CUZD1: variants seen among roughly 807,000 people sequenced by gnomAD.
CUZD1 encodes CUB and zona pellucida like domains 1, also known as CUB and zona pellucida-like domain-containing protein 1.
CUZD1 carries 42 observed loss-of-function variants against 53.1 expected under a neutral mutation model. The ratio of observed to expected loss-of-function variants is 0.79; its 90% CI spans 0.62 to 1.02. CUZD1 has a LOEUF of 1.02. CUZD1 is among the 50% of genes least tolerant of loss of function. The pLI, the probability that CUZD1 is intolerant of heterozygous loss-of-function variation, is 0.00. For synonymous variants in CUZD1, 238 were observed against 257.2 expected (o/e 0.93, Z 0.71); for missense variants, 670 against 715.7 (o/e 0.94, Z 0.73).
chr10:122,844,149 C>T (rs117031187), intron 1 of CUZD1, among the ~76,000 whole-genome samples: 31 of 151,782 alleles, frequency 2.0e-4, no homozygotes, highest in Non-Finnish European at 4.3e-4. Context: ...CCACCTCAGC[C>T]GCCAGAGTAG....
intron 7 of CUZD1, among the ~76,000 whole-genome samples, 169 bp downstream of exon 7, chr10:122,834,537 C>T (rs968110480): frequency 2.6e-5 from 4 of 151,982 alleles, no homozygotes; most frequent in Non-Finnish European, 4.4e-5. Context: ...TTAAATTATT[C>T]ATAATTAGTA....
chr10:122,837,366 C>T, intron 4 of CUZD1, 38 bp downstream of exon 4: 1 of 1,611,236 alleles, frequency 6.2e-7, no homozygotes, highest in Non-Finnish European at 8.5e-7. Context: ...GGTGGGTTTA[C>T]TGCATTTGTT....
chr10:122,837,456 G>A lies in CUZD1; in HGVS notation c.547C>T (p.His183Tyr). 2 of 1,613,984 alleles carry A rather than the reference G, an allele frequency of 1.2e-6. No homozygotes were observed. The highest frequency in any genetic ancestry group is 8.5e-7 in the Non-Finnish European group (1 of 1,179,952). ...TTGTAATCTTTCTCCACTTGTATGT[G>A]CCACACACAATAAGCCAGCTCAGGA... ...PHPELAYCVW[H>Y]IQVEKDYKIK... The change falls in exon 4 of 9, where the codon CAC (histidine) becomes TAC (tyrosine). Residue 183 changes from histidine (H) to tyrosine (Y), a missense_variant. His to Tyr is a moderately conservative substitution (Grantham distance 83, BLOSUM62 2). Transcript: ENST00000392790.
chr10:122,841,498 A>T (rs1181494950), intron 1 of CUZD1, among the ~76,000 whole-genome samples, 170 bp from the exon 2 acceptor site: 1 of 152,216 alleles, frequency 6.6e-6, no homozygotes, highest in African/African-American at 2.4e-5. Flanking sequence ...CTCCGTCTTG[A>T]ACCCTTTGAG....
intron 3 of CUZD1, 90 bp downstream of exon 3, chr10:122,838,927 C>T (rs1341971001): frequency 3.1e-6 from 3 of 966,578 alleles, no homozygotes; most frequent in African/African-American, 3.3e-5. Context: ...GGAATATACT[C>T]AGACTGAAGA....
In CUZD1 at chr10:122,841,244, T is replaced by G. The variant is rs769935598; in HGVS notation, c.167A>C (p.Glu56Ala). Reference protein sequence around the residue: ...KAMILQLNPSENCTWTIERPE... With the variant: ...KAMILQLNPSANCTWTIERPE... The stretch of plus-strand genomic sequence containing the variant: ...TCTTTCTATTGTCCAGGTGCAGTTC[T>G]CACTGGGATTGAGTTGCAGGATCAT... The change falls in exon 2 of 9, where the codon GAG becomes GCG. Residue 56 changes from glutamate to alanine, a missense_variant. By Grantham distance (107) the Glu-to-Ala change is moderately radical. Transcript: ENST00000392790. 5.6e-6 allele frequency: 9 copies of G among 1,614,018 alleles called. No individual in the cohort carries two copies. The highest frequency in any genetic ancestry group is 7.6e-6 in the Non-Finnish European group (9 of 1,179,978).
In CUZD1 at chr10:122,836,956, C is replaced by G; in HGVS notation, c.692G>C (p.Arg231Pro). The change falls in exon 5 of 9, where the codon CGT becomes CCT. Residue 231 changes from arginine to proline, a missense_variant. Arg to Pro is a moderately radical substitution (Grantham distance 103, BLOSUM62 -2). Coordinates refer to ENST00000392790, the MANE Select transcript of CUZD1 (RefSeq NM_022034.6). ...NSGLIGQVCG[R>P]VTPTFESSSN... is the part of the protein sequence containing the mutation. ...TGACGATTCGAAGGTGGGAGTCACA[C>G]GGCCACAGACTTGTCCAATCAGGCC... 6.2e-7 allele frequency: 1 copy of G among 1,614,042 alleles called. No homozygotes were observed. The highest frequency in any genetic ancestry group is 1.3e-5 in the African/African-American group (1 of 75,028).
In CUZD1 at chr10:122,841,178, T is replaced by C; in HGVS notation, c.233A>G (p.Gln78Arg). 3 of 1,612,024 alleles carry C rather than the reference T, an allele frequency of 1.9e-6. No homozygotes were observed. The highest frequency in any genetic ancestry group is 2.5e-6 in the Non-Finnish European group (3 of 1,179,020). ...TTAGGAAACTAAAGCTTCTACTTAC[T>C]GGACATAGGAAAAGATAATTCTGAT... ...KSIRIIFSYV[Q>R]LDPDGSCESE... Residue 78 changes from glutamine (Q) to arginine (R), a missense_variant and splice_region_variant, in exon 2 of 9, where the codon CAG becomes CGG. Transcript: ENST00000392790.
At chr10:122,840,614 C>A (rs186780117) in intron 2 of CUZD1, among the ~76,000 whole-genome samples, 10 of 152,232 alleles carry the variant, frequency 6.6e-5, no homozygotes, top group Admixed American at 2.0e-4. Context: ...AGGGCGGAGT[C>A]ATGTTCTCAG....
chr10:122,838,899 G>T, intron 3 of CUZD1, 118 bp downstream of exon 3: 1 of 744,002 alleles, frequency 1.3e-6, no homozygotes, highest in African/African-American at 1.8e-5. Context: ...TGCTCTCTCA[G>T]ATAGAGAAGA....
intron 7 of CUZD1, among the ~76,000 whole-genome samples, chr10:122,834,363 A>G (rs937291073): frequency 2.6e-5 from 4 of 152,240 alleles, no homozygotes; most frequent in Admixed American, 6.5e-5. Flanking sequence ...GATAACGCAC[A>G]TGAAATAATC....
chr10:122,836,620 A>C (rs189692031), intron 5 of CUZD1, among the ~76,000 whole-genome samples: 2 of 152,170 alleles, frequency 1.3e-5, no homozygotes, highest in Non-Finnish European at 2.9e-5. Flanking sequence ...TATCTGCATA[A>C]ATCTTTTTCA....
intron 1 of CUZD1, among the ~76,000 whole-genome samples, chr10:122,845,149 T>G (rs1847416418): frequency 6.7e-6 from 1 of 149,834 alleles, no homozygotes. Flanking sequence ...TGATCGCAGC[T>G]AACTGCAACC....
intron 6 of CUZD1, among the ~76,000 whole-genome samples, chr10:122,835,778 GT>G (rs542928355): frequency 3.1e-4 from 47 of 150,980 alleles, no homozygotes; most frequent in African/African-American, 8.0e-4. Flanking sequence ...TTTTTTAAAT[GT>G]TTTTTTTTCC....
intron 5 of CUZD1, 80 bp downstream of exon 5, chr10:122,836,751 G>A: frequency 2.7e-6 from 3 of 1,107,810 alleles, no homozygotes; most frequent in Admixed American, 1.8e-5. Flanking sequence ...AATAGCCACA[G>A]GTAGGCTAAA....
At chr10:122,839,455 T>A (rs1847302781) in intron 2 of CUZD1, among the ~76,000 whole-genome samples, 1 of 152,240 alleles carries the variant, frequency 6.6e-6, no homozygotes, top group African/African-American at 2.4e-5. Flanking sequence ...CTATGTCTTG[T>A]ATCAAGTAAA....
rs1227989985 is a variant in CUZD1 at position 122,837,708 on chromosome 10, A to G, written c.449-154T>C. The G allele has an allele frequency of 7.4e-6, 5 of 678,650 alleles. No homozygotes were observed. The South Asian group carries it at 1.2e-4, about 16-fold the overall frequency. 42.0% of individuals were successfully genotyped at this position (678,650 alleles called of 1,614,324 possible). The stretch of plus-strand genomic sequence containing the variant: ...CATATTGAGGTTTTCATCCTTTTTT[A>G]TCATTGAAATTTCTGTCCACTGGTG... On this transcript the variant is annotated intron_variant, in intron 3 of 8. Transcript: ENST00000392790.
intron 2 of CUZD1, 124 bp from the exon 3 acceptor site, chr10:122,839,355 C>G: frequency 1.3e-6 from 1 of 768,606 alleles, no homozygotes; most frequent in Admixed American, 2.6e-5. Flanking sequence ...TCATTTAAAC[C>G]TCTCCAAGAC....
chr10:122,839,844 T>C (rs1295445750), intron 2 of CUZD1, among the ~76,000 whole-genome samples: 2 of 152,168 alleles, frequency 1.3e-5, no homozygotes, highest in African/African-American at 4.8e-5. Flanking sequence ...AAGACAAGGG[T>C]AGAGAAATCT....
Sources: allele counts gnomAD v4.1 joint callset (sites outside exome capture counted in the v4.1 genomes callset), GRCh38; gene constraint gnomAD v4.1.1; transcripts MANE v1.5; gene names NCBI Gene and HGNC (gene_info 2026-07-23, HGNC 2026-07-21).